Variants in HACE1 observed in about 807,000 individuals in gnomAD.
HACE1 encodes E3 ubiquitin-protein ligase HACE1.
A neutral mutation model predicts 118.4 loss-of-function variants in HACE1; 73 were observed. The observed-to-expected ratio is 0.62, with a 90% CI of 0.51 to 0.75. The LOEUF is 0.75. Among genes scored for constraint, HACE1 ranks in the 30% least tolerant of loss-of-function variants. The pLI, the probability that HACE1 is intolerant of heterozygous loss-of-function variation, is 0.00. For synonymous variants in HACE1, 368 were observed against 374.8 expected (o/e 0.98, Z 0.21); for missense variants, 749 against 1,102.2 (o/e 0.68, Z 4.54).
rs200223428 is a variant in HACE1 at position 104,834,330 on chromosome 6, AAC to A, written c.403-1159_403-1158del. Among the ~76,000 whole-genome samples the A allele has an allele frequency of 9.6e-3, 1,463 of 152,326 alleles. 14 individuals carry two copies. Among genetic ancestry groups the A allele is most frequent in the Non-Finnish European group, 0.015 (1,009 of 68,030 alleles). On this transcript the variant is annotated intron_variant, in intron 5 of 23. Coordinates refer to ENST00000262903, the MANE Select transcript of HACE1 (RefSeq NM_020771.4). ...AGCAAACATAAGTTAAAAAGTAATT[AAC>A]ATAGCAATGCTATATTCCTTACTTC...
At chr6:104,802,452 A>G (rs1453716651) in intron 7 of HACE1, among the ~76,000 whole-genome samples, 3 of 152,226 alleles carry the variant, frequency 2.0e-5, no homozygotes, top group African/African-American at 7.2e-5. Flanking sequence ...TCTAAAATTG[A>G]CCACATAATT....
chr6:104,797,174 C>CT (rs66525522), intron 7 of HACE1, 149 bp from the exon 8 acceptor site: 305,156 of 617,502 alleles, frequency 0.49, 79,670 homozygotes, highest in African/African-American at 0.79. Flanking sequence ...ATCACAAAAA[C>CT]TTTCTCAATG....
chr6:104,749,659 C>A (rs1267100794), intron 20 of HACE1, among the ~76,000 whole-genome samples: 1 of 151,848 alleles, frequency 6.6e-6, no homozygotes, highest in Admixed American at 6.6e-5. Flanking sequence ...AAATACTGTG[C>A]TTTATTAAGA....
intron 10 of HACE1, among the ~76,000 whole-genome samples, chr6:104,793,912 T>C (rs1005577818): frequency 3.3e-5 from 5 of 152,214 alleles, no homozygotes; most frequent in African/African-American, 1.2e-4. Flanking sequence ...ACTTGGAAGG[T>C]AGCACCATAA....
chr6:104,852,919 A>G (rs1181872680), intron 1 of HACE1, among the ~76,000 whole-genome samples: 1 of 152,196 alleles, frequency 6.6e-6, no homozygotes, highest in Non-Finnish European at 1.5e-5. Context: ...TTAGTTTAGA[A>G]GCTTTTATGA....
rs971960748 is a variant in HACE1, at chr6:104,843,125, T to C, written c.402+98A>G. On this transcript the variant is annotated intron_variant, in intron 5 of 23. Transcript: ENST00000262903. ...GACTCTGTCTCAAAAAAAAGTAACT[T>C]GCAGAAACACTTGTACTACACTTTG... The C allele has an allele frequency of 5.2e-6, 4 of 768,222 alleles. No homozygotes were observed. In the South Asian group the frequency reaches 5.5e-5, roughly 11 times the overall value. 47.6% of individuals were successfully genotyped at this position (768,222 alleles called of 1,614,324 possible).
Position 104,771,341 on chromosome 6 carries a change from G to C in HACE1, c.2063C>G (p.Ala688Gly), listed in dbSNP as rs1299609084. ...ATCTAAAATCCATTGCAAATTTTTC[G>C]CATATTCTGGATCAATGGATGCCAC... The part of the protein sequence containing the change: ...QDVASIDPEY[A>G]KNLQWILDND... The change falls in exon 19 of 24, where the codon GCG becomes GGG. Residue 688 changes from alanine to glycine, a missense_variant. By Grantham distance (60) the Ala-to-Gly change is moderately conservative. Transcript: ENST00000262903. 1.2e-6 allele frequency: 2 copies of C among 1,612,414 alleles called. No individual in the cohort carries two copies. Among genetic ancestry groups the C allele is most frequent in the Non-Finnish European group, 8.5e-7 (1 of 1,178,594 alleles).
At chr6:104,731,235 G>T (rs927173101) in intron 22 of HACE1, 3 of 152,018 alleles carry the variant, frequency 2.0e-5, no homozygotes, top group African/African-American at 7.2e-5. Context: ...ATGAGGTGCT[G>T]TAGTGCTTTT....
chr6:104,795,383 G>T lies in HACE1; in HGVS notation c.923+196C>A, dbSNP rs1270354867. ...TTCACTGAAGTATGCTCTATTTTTA[G>T]TCTCTTTAGAGAGACTAAAATCTCT... On this transcript the variant is annotated intron_variant, in intron 10 of 23. Transcript: ENST00000262903. Among the ~76,000 whole-genome samples, 5 of 151,976 alleles carry T rather than the reference G, an allele frequency of 3.3e-5. No individual in the cohort carries two copies. In the South Asian group the frequency reaches 6.2e-4, roughly 19 times the overall value.
intron 19 of HACE1, among the ~76,000 whole-genome samples, chr6:104,768,622 T>C (rs921916499): frequency 1.8e-4 from 23 of 130,186 alleles, no homozygotes; most frequent in Non-Finnish European, 3.3e-4. Context: ...CAATTTATTG[T>C]GAGAAATGTT....
chr6:104,776,945 T>C, intron 16 of HACE1, 68 bp downstream of exon 16: 1 of 1,316,018 alleles, frequency 7.6e-7, no homozygotes, highest in Non-Finnish European at 1.1e-6. Flanking sequence ...ATATTAAACT[T>C]TATTCAAAAG....
chr6:104,824,685 T>C (rs558717721), intron 6 of HACE1: 14 of 152,086 alleles, frequency 9.2e-5, no homozygotes, highest in Non-Finnish European at 2.1e-4. Flanking sequence ...TTTTCAGCAA[T>C]AGATACAAAC....
intron 22 of HACE1, chr6:104,732,119 T>A (rs938631422): frequency 6.6e-6 from 1 of 152,154 alleles, no homozygotes; most frequent in Non-Finnish European, 1.5e-5. Flanking sequence ...TGTAAAATGA[T>A]GCAGCCTCTG....
intron 1 of HACE1, among the ~76,000 whole-genome samples, chr6:104,853,094 G>A (rs551987551): frequency 6.6e-6 from 1 of 152,238 alleles, no homozygotes; most frequent in Admixed American, 6.5e-5. Flanking sequence ...GAGCCATGAG[G>A]GCTCCTCTTT....
chr6:104,843,404 A>G (rs897568815), intron 4 of HACE1, 106 bp from the exon 5 acceptor site: 1 of 740,334 alleles, frequency 1.4e-6, no homozygotes, highest in Non-Finnish European at 2.5e-6. Context: ...TGATGACATC[A>G]TAACATCTTT....
rs1478812110 is a variant in HACE1 at position 104,795,596 on chromosome 6, A to C, written c.906T>G (p.Asn302Lys). ...ACACTTACCTAAGCAGTTTATGACC[A>C]TTTGTTGTAGCAACTTCAGCAAGGC... ...LTSLAEVATTNGHKLLSLSSN... is the reference protein window; with the variant it reads ...LTSLAEVATTKGHKLLSLSSN... The change falls in exon 10 of 24, where the codon AAT becomes AAG. Residue 302 changes from asparagine (N) to lysine (K), a missense_variant. Transcript: ENST00000262903. 8 of 1,604,228 alleles carry C rather than the reference A, an allele frequency of 5.0e-6. No homozygotes were observed. In the East Asian group the frequency reaches 1.8e-4, roughly 36 times the overall value.
At chr6:104,833,271 A>G (rs1466384443) in intron 5 of HACE1, 98 bp from the exon 6 acceptor site, 1 of 1,064,392 alleles carries the variant, frequency 9.4e-7, no homozygotes, top group Non-Finnish European at 1.5e-6. Flanking sequence ...TGATTTGCAC[A>G]TGCAAATCTA....
intron 5 of HACE1, among the ~76,000 whole-genome samples, chr6:104,838,590 T>C (rs2115130016): frequency 6.6e-6 from 1 of 152,088 alleles, no homozygotes; most frequent in East Asian, 1.9e-4. Context: ...ATCTAAGACA[T>C]GAAACTACTA....
rs148580892 is a variant in HACE1 at position 104,795,645 on chromosome 6, C to G, written c.857G>C (p.Ser286Thr). 2.5e-6 allele frequency: 4 copies of G among 1,613,240 alleles called. No homozygotes were observed. The highest frequency in any genetic ancestry group is 3.4e-6 in the Non-Finnish European group (4 of 1,179,426). The change falls in exon 10 of 24, where the codon AGC becomes ACC. Residue 286 changes from serine to threonine, a missense_variant. Around this residue, in one of 5 missense-constraint regions of HACE1, gnomAD observed 267 missense variants for 312.2 expected, o/e 0.86. Transcript: ENST00000262903. ...GCTTGTTAGAATCTTTAGGTACTGG[C>G]TTTCACTTTGCTGAGACAAATGCTC... ...VLEHLSQQSE[S>T]QYLKILTSLA...
Sources: gnomAD v4.1 joint callset for allele counts (sites outside exome capture counted in the v4.1 genomes callset) on GRCh38, gnomAD v4.1.1 for gene constraint, gnomAD v4.1.1 regional missense constraint, MANE v1.5 for transcripts, NCBI Gene and HGNC (gene_info 2026-07-23, HGNC 2026-07-21) for gene names.